CAST: variants seen among roughly 807,000 people sequenced by gnomAD.
CAST encodes calpastatin.
In CAST, 76 loss-of-function variants were observed where a neutral mutation model predicts 119.6. That is an observed-to-expected ratio of 0.64 (90% CI 0.53 to 0.77). The LOEUF is 0.77. Ranked by LOEUF, CAST falls within the 30% of genes least tolerant of loss-of-function variation. CAST has a pLI of 0.00. For synonymous variants in CAST, 319 were observed against 331.6 expected (o/e 0.96, Z 0.41); for missense variants, 953 against 946.5 (o/e 1.01, Z -0.09).
intron 1 of CAST, among the ~76,000 whole-genome samples, chr5:96,591,168 CAG>C: frequency 6.6e-6 from 1 of 152,304 alleles, no homozygotes; most frequent in South Asian, 2.1e-4. Context: ...AGAAGAGAAG[CAG>C]AGCAAATAGC....
the CAST span, among the ~76,000 whole-genome samples, chr5:96,043,329 A>G: frequency 1.3e-5 from 2 of 152,198 alleles, no homozygotes; most frequent in South Asian, 2.1e-4. Flanking sequence ...TCAATAAGGG[A>G]CATCAAATTG....
At chr5:96,027,534 G>C in the CAST span, among the ~76,000 whole-genome samples, 1 of 151,828 alleles carries the variant, frequency 6.6e-6, no homozygotes, top group East Asian at 1.9e-4. Flanking sequence ...GAAAAAAACA[G>C]GAAATATAAA....
chr5:96,048,007 G>T, the CAST span, among the ~76,000 whole-genome samples: 2 of 152,186 alleles, frequency 1.3e-5, no homozygotes, highest in African/African-American at 4.8e-5. Flanking sequence ...GGAGGTCAAG[G>T]TGGCTGGAAT....
the CAST span, among the ~76,000 whole-genome samples, chr5:96,460,095 A>C: frequency 6.6e-6 from 1 of 152,184 alleles, no homozygotes; most frequent in South Asian, 2.1e-4. Context: ...AGCGCTGACA[A>C]GTAGCCCTGA....
At chr5:95,979,075 G>T in the CAST span, among the ~76,000 whole-genome samples, 3 of 152,276 alleles carry the variant, frequency 2.0e-5, no homozygotes, top group Non-Finnish European at 4.4e-5. Flanking sequence ...AGAATAATGA[G>T]TATCAGATGC....
chr5:96,119,901 G>A, the CAST span, among the ~76,000 whole-genome samples: 1 of 152,114 alleles, frequency 6.6e-6, no homozygotes, highest in African/African-American at 2.4e-5. Flanking sequence ...AATCTCCACG[G>A]CAGTCTGGTA....
chr5:96,103,619 T>G, the CAST span, among the ~76,000 whole-genome samples: 6 of 151,928 alleles, frequency 3.9e-5, no homozygotes, highest in South Asian at 2.1e-4. Flanking sequence ...ATTTGGGTTG[T>G]TTCCAAGTCT....
At chr5:96,351,893 G>C in the CAST span, among the ~76,000 whole-genome samples, 1 of 152,156 alleles carries the variant, frequency 6.6e-6, no homozygotes, top group African/African-American at 2.4e-5. Flanking sequence ...AAGTTCTCCA[G>C]ATTTTCTAAA....
chr5:96,727,993 T>C (rs1561532168), intron 6 of CAST, among the ~76,000 whole-genome samples: 1 of 152,116 alleles, frequency 6.6e-6, no homozygotes, highest in Non-Finnish European at 1.5e-5. Context: ...TTACCTCAGT[T>C]GGTGGAGCTA....
At chr5:96,105,455 A>G in the CAST span, among the ~76,000 whole-genome samples, 1 of 152,150 alleles carries the variant, frequency 6.6e-6, no homozygotes, top group Non-Finnish European at 1.5e-5. Flanking sequence ...AGGTTGTTCA[A>G]TTTTGTCAAA....
Position 96,680,717 on chromosome 5 carries a change from T to C in CAST, c.138+5116T>C, listed in dbSNP as rs1463438117. The stretch of plus-strand genomic sequence containing the variant: ...CAGTATGGCATTTAATGTTCATTAT[T>C]TTGTGCTCTGTTTTTGAAGGGAGGA... On this transcript the variant is annotated intron_variant, in intron 2 of 31. Transcript: ENST00000675179. 2.6e-5 allele frequency among the ~76,000 whole-genome samples: 4 copies of C among 152,220 alleles called. No individual in the cohort carries two copies. In the East Asian group the frequency reaches 7.7e-4, roughly 29 times the overall value.
intron 4 of CAST, 169 bp from the exon 5 acceptor site, chr5:96,726,625 G>A: frequency 2.0e-6 from 1 of 495,202 alleles, no homozygotes; most frequent in East Asian, 3.2e-5. Context: ...ATCTGCTTAG[G>A]ACCTTAGAAT....
At chr5:96,042,018 CT>C in the CAST span, among the ~76,000 whole-genome samples, 2 of 152,124 alleles carry the variant, frequency 1.3e-5, no homozygotes, top group Non-Finnish European at 2.9e-5. Flanking sequence ...AATTTTCGGT[CT>C]GCTGGAAAAG....
intron 1 of CAST, among the ~76,000 whole-genome samples, chr5:96,672,649 G>C (rs999706621): frequency 6.7e-6 from 1 of 148,708 alleles, no homozygotes; most frequent in Non-Finnish European, 1.5e-5. Flanking sequence ...GGAGGTTGCA[G>C]TGGGCCAAGA....
At chr5:96,719,465 A>G (rs565003644) in intron 3 of CAST, among the ~76,000 whole-genome samples, 105 of 152,292 alleles carry the variant, frequency 6.9e-4, no homozygotes, top group African/African-American at 2.5e-3. Flanking sequence ...CCATCTGTAC[A>G]TTGCTTTTTA....
chr5:96,391,064 T>C, the CAST span: 1 of 152,486 alleles, frequency 6.6e-6, no homozygotes, highest in Admixed American at 6.5e-5. Context: ...TGGTCCTTTT[T>C]AGTTTTAATA....
chr5:96,420,520 A>G, the CAST span, among the ~76,000 whole-genome samples: 2 of 152,152 alleles, frequency 1.3e-5, no homozygotes, highest in African/African-American at 4.8e-5. Context: ...AAAGAAATAA[A>G]TGGTACGGAA....
At chr5:96,455,342 AAT>A in the CAST span, among the ~76,000 whole-genome samples, 1 of 152,246 alleles carries the variant, frequency 6.6e-6, no homozygotes, top group African/African-American at 2.4e-5. Flanking sequence ...TGTTCTCAGT[AAT>A]TAGATGCTAT....
chr5:96,718,985 G>C (rs1197732297), intron 3 of CAST, among the ~76,000 whole-genome samples: 1 of 152,214 alleles, frequency 6.6e-6, no homozygotes, highest in Non-Finnish European at 1.5e-5. Context: ...GGGAGGCAGA[G>C]AGGATTCCTG....
Sources: gnomAD v4.1 joint callset for allele counts (sites outside exome capture counted in the v4.1 genomes callset) on GRCh38, gnomAD v4.1.1 for gene constraint, MANE v1.5 for transcripts, NCBI Gene and HGNC (gene_info 2026-07-23, HGNC 2026-07-21) for gene names.